The following GPC6 variants were observed in gnomAD, a reference collection of about 807,000 sequenced individuals.
The protein encoded by GPC6 is glypican-6.
In GPC6, 14 loss-of-function variants were observed where a neutral mutation model predicts 55.2. The ratio of observed to expected loss-of-function variants is 0.25; its 90% confidence interval spans 0.17 to 0.40. The LOEUF (loss-of-function observed/expected upper bound fraction) is 0.40, where lower values mean the gene tolerates loss of function less well. GPC6 is among the 10% of genes least tolerant of loss of function. GPC6 has a pLI of 1.00. For missense variants in GPC6, 641 were observed against 708.5 expected, an observed-to-expected ratio of 0.90 and a Z score of 1.08; for synonymous variants, 278 against 259.6, an observed-to-expected ratio of 1.07 and a Z score of -0.68.
At chr13:93,566,141 T>C (rs1401124830) in intron 2 of GPC6, among the ~76,000 whole-genome samples, 1 of 152,154 alleles carries the variant, frequency 6.6e-6, no homozygotes, top group Non-Finnish European at 1.5e-5. Flanking sequence ...ATTGGAGAAA[T>C]GAAGAGGCAG....
At chr13:93,859,553 T>C (rs1054452596) in intron 3 of GPC6, among the ~76,000 whole-genome samples, 1 of 151,746 alleles carries the variant, frequency 6.6e-6, no homozygotes, top group East Asian at 2.0e-4. Context: ...ATTTCTCTTG[T>C]AGTAGTTCTA....
chr13:94,288,892 A>ATAACAAATATATATATATTTGT (rs1247234352), intron 5 of GPC6, among the ~76,000 whole-genome samples: 12 of 130,490 alleles, frequency 9.2e-5, no homozygotes, highest in Admixed American at 1.7e-4. Flanking sequence ...ACTAATATAT[A>ATAACAAATATATATATATTTGT]TAACAAATAT....
intron 2 of GPC6, among the ~76,000 whole-genome samples, chr13:93,550,599 A>G (rs1207086053): frequency 6.6e-6 from 1 of 152,268 alleles, no homozygotes; most frequent in African/African-American, 2.4e-5. Flanking sequence ...TTACACTGCA[A>G]ATCTGCTTGT....
chr13:94,023,730 T>A (rs562483226), intron 3 of GPC6, among the ~76,000 whole-genome samples: 1 of 152,048 alleles, frequency 6.6e-6, no homozygotes, highest in East Asian at 1.9e-4. Context: ...AACCCAGATA[T>A]CCTTCAGTGG....
chr13:93,326,089 G>A (rs1879643102), intron 1 of GPC6, among the ~76,000 whole-genome samples: 1 of 152,152 alleles, frequency 6.6e-6, no homozygotes, highest in African/African-American at 2.4e-5. Flanking sequence ...TGCCCTGAGT[G>A]CACTCAGCAC....
intron 6 of GPC6, among the ~76,000 whole-genome samples, chr13:94,354,204 G>T (rs1878682218): frequency 6.6e-6 from 1 of 152,076 alleles, no homozygotes; most frequent in Non-Finnish European, 1.5e-5. Flanking sequence ...GAATGAATAA[G>T]TTCTGATGGA....
At chr13:94,020,378 G>A (rs1404241094) in intron 3 of GPC6, among the ~76,000 whole-genome samples, 1 of 152,100 alleles carries the variant, frequency 6.6e-6, no homozygotes, top group African/African-American at 2.4e-5. Flanking sequence ...TCAAATTTAA[G>A]ACTTGAAATT....
rs183189924 is a variant in GPC6 at position 94,203,383 on chromosome 13, G to T, written c.878-82966G>T. ...ATTATTGTGAGTAGAATCACTGAACGAATACATTTATATTGGTTCTGGAAA... is the reference window on the plus strand; with the variant it reads ...ATTATTGTGAGTAGAATCACTGAACTAATACATTTATATTGGTTCTGGAAA... On this transcript the variant is annotated intron_variant, in intron 4 of 8. Transcript: ENST00000377047. 5.9e-5 allele frequency among the ~76,000 whole-genome samples: 9 copies of T among 151,870 alleles called. 1 individual carries two copies. Among genetic ancestry groups the T allele is most frequent in the African/African-American group, 2.2e-4 (9 of 41,482 alleles).
intron 1 of GPC6, among the ~76,000 whole-genome samples, chr13:93,455,105 C>T (rs1239139915): frequency 6.6e-6 from 1 of 152,228 alleles, no homozygotes; most frequent in Non-Finnish European, 1.5e-5. Context: ...AGCCCACGCC[C>T]ACCCGGAACT....
intron 1 of GPC6, among the ~76,000 whole-genome samples, chr13:93,511,684 T>A (rs1880982735): frequency 6.6e-6 from 1 of 152,076 alleles, no homozygotes; most frequent in Non-Finnish European, 1.5e-5. Flanking sequence ...AATTTTAGGA[T>A]CGTTTTTTCT....
chr13:93,846,395 A>G (rs921289831), intron 3 of GPC6, among the ~76,000 whole-genome samples: 3 of 152,224 alleles, frequency 2.0e-5, no homozygotes, highest in African/African-American at 4.8e-5. Context: ...CCTATGCTGT[A>G]ATATTCCACA....
intron 1 of GPC6, among the ~76,000 whole-genome samples, chr13:93,247,203 C>G (rs576854352): frequency 1.3e-5 from 2 of 152,150 alleles, no homozygotes; most frequent in South Asian, 4.2e-4. Context: ...TTTTTGAGAT[C>G]GCTTTTAGAT....
At chr13:93,489,282 G>T (rs1476687888) in intron 1 of GPC6, among the ~76,000 whole-genome samples, 2 of 151,400 alleles carry the variant, frequency 1.3e-5, no homozygotes, top group Admixed American at 1.3e-4. Flanking sequence ...GATGGTTGTA[G>T]ATGTGTGGTA....
intron 3 of GPC6, among the ~76,000 whole-genome samples, chr13:93,931,188 A>G (rs1399906388): frequency 3.3e-5 from 5 of 152,148 alleles, no homozygotes; most frequent in Non-Finnish European, 5.9e-5. Context: ...GTATCAGTAT[A>G]ATAACCATCT....
intron 1 of GPC6, among the ~76,000 whole-genome samples, chr13:93,304,165 C>T (rs747282943): frequency 1.1e-4 from 16 of 152,160 alleles, no homozygotes; most frequent in Admixed American, 4.6e-4. Flanking sequence ...TGCGCCTGGC[C>T]GTAGAGACTA....
chr13:94,373,154 C>T (rs570954051), intron 6 of GPC6, among the ~76,000 whole-genome samples: 12 of 152,220 alleles, frequency 7.9e-5, no homozygotes, highest in African/African-American at 1.9e-4. Context: ...AAAAGCAGAG[C>T]GCCTCTCCTC....
At chr13:93,796,063 G>T (rs1250408431) in intron 2 of GPC6, among the ~76,000 whole-genome samples, 1 of 151,790 alleles carries the variant, frequency 6.6e-6, no homozygotes, top group Non-Finnish European at 1.5e-5. Flanking sequence ...GAGTATGGTG[G>T]CGTGTGCCTG....
At chr13:93,608,127 C>T (rs1373688351) in intron 2 of GPC6, among the ~76,000 whole-genome samples, 1 of 152,082 alleles carries the variant, frequency 6.6e-6, no homozygotes, top group African/African-American at 2.4e-5. Context: ...GCCCATTAGC[C>T]TCAGAAGGCA....
intron 1 of GPC6, among the ~76,000 whole-genome samples, chr13:93,236,705 C>T (rs1353130517): frequency 6.6e-6 from 1 of 152,130 alleles, no homozygotes; most frequent in Non-Finnish European, 1.5e-5. Flanking sequence ...CATGGAAAAA[C>T]TGTCTTTTAT....
Sources: gnomAD v4.1 joint callset for allele counts (sites outside exome capture counted in the v4.1 genomes callset) on GRCh38, gnomAD v4.1.1 for gene constraint, MANE v1.5 for transcripts, NCBI Gene and HGNC (gene_info 2026-07-23, HGNC 2026-07-21) for gene names.